Variants in RHNO1 observed in about 807,000 individuals in gnomAD.
The protein encoded by RHNO1 is RAD9, HUS1, RAD1-interacting nuclear orphan protein 1.
RHNO1 carries 9 observed loss-of-function variants against 7.2 expected under a neutral mutation model. That is an observed-to-expected ratio of 1.25 (90% confidence interval 0.75 to 2.18). The LOEUF (loss-of-function observed/expected upper bound fraction) is 2.18. RHNO1 is among the 30% of genes most tolerant of loss of function. RHNO1 has a pLI of 0.00. For synonymous variants in RHNO1, 95 were observed against 107.5 expected, an observed-to-expected ratio of 0.88 and a Z score of 0.72; for missense variants, 292 against 284.5, an observed-to-expected ratio of 1.03 and a Z score of -0.19.
At chr12:2,883,075 A>AAAAAAAAACAGC (rs112989975) in intron 1 of RHNO1, among the ~76,000 whole-genome samples, 1 of 134,486 alleles carries the variant, frequency 7.4e-6, no homozygotes, top group Admixed American at 7.9e-5. Context: ...TCAAAAAAAA[A>AAAAAAAAACAGC]AAAAAAAAAA....
chr12:2,885,561 A>ATTTTTTT lies in RHNO1; in HGVS notation c.168+52_168+58dup, dbSNP rs10558952. 15 of 399,322 alleles carry ATTTTTTT rather than the reference A, an allele frequency of 3.8e-5. No individual in the cohort carries two copies. The African/African-American group carries it at 4.5e-4, about 12-fold the overall frequency. The allele number at this position is 399,322 out of a possible 1,614,324, so 24.7% of individuals were successfully genotyped here. A position where few individuals can be genotyped will look rare whatever the true frequency, so the allele number is the denominator to read the frequency against. On this transcript the variant is annotated intron_variant, in intron 2 of 2. Coordinates refer to ENST00000489288, the MANE Select transcript of RHNO1 (RefSeq NM_001252499.3). ...TAGGCCCATGGGATTACTATTTGAC[A>ATTTTTTT]TTTTTTTTTTTTTTTTTTTTTTTTT... is the stretch of plus-strand genomic sequence containing the variant.
intron 2 of RHNO1, chr12:2,885,926 G>A (rs1005753202): frequency 1.8e-5 from 1 of 56,238 alleles, no homozygotes; most frequent in African/African-American, 1.1e-4. Flanking sequence ...TCTTCTGCCC[G>A]GCCTACTTTG....
At chr12:2,883,069 A>AAAAAAAAAACAAAAC (rs1341079525) in intron 1 of RHNO1, among the ~76,000 whole-genome samples, 2 of 140,396 alleles carry the variant, frequency 1.4e-5, no homozygotes, top group African/African-American at 5.4e-5. Context: ...CCTGTCTCAA[A>AAAAAAAAAACAAAAC]AAAAAAAAAA....
intron 1 of RHNO1, among the ~76,000 whole-genome samples, chr12:2,880,734 A>G (rs1160424413): frequency 6.6e-6 from 1 of 152,028 alleles, no homozygotes; most frequent in Non-Finnish European, 1.5e-5. Flanking sequence ...CCCAGGCTCA[A>G]GTGATCCTCC....
chr12:2,886,616 A>C (rs1167072502), intron 2 of RHNO1, among the ~76,000 whole-genome samples: 1 of 148,010 alleles, frequency 6.8e-6, no homozygotes, highest in Admixed American at 6.9e-5. Flanking sequence ...AGATTGTGCT[A>C]CTGCACTCCA....
In RHNO1 at chr12:2,888,214, C is replaced by T; in HGVS notation, c.472C>T (p.Gln158Ter). The T allele has an allele frequency of 6.2e-7, 1 of 1,614,052 alleles. No homozygotes were observed. Among genetic ancestry groups the T allele is most frequent in the Non-Finnish European group, 8.5e-7 (1 of 1,180,002 alleles). Residue 158 changes from glutamine (Q) to a stop codon, truncating the protein, a stop_gained, in exon 3 of 3, where the codon CAG becomes TAG. Coordinates refer to ENST00000489288, the MANE Select transcript of RHNO1 (RefSeq NM_001252499.3). LOFTEE classifies it low-confidence loss of function (END_TRUNC). ...TTATGTGTTCATTCCACCTGATATC[C>T]AGACCCCAGAGTCATCGTCTGTGAA... ...LPYVFIPPDIQTPESSSVKEE... is the reference protein window; with the variant it reads ...LPYVFIPPDI
intron 1 of RHNO1, among the ~76,000 whole-genome samples, chr12:2,883,498 T>A (rs1265019681): frequency 0.022 from 528 of 23,552 alleles, 14 homozygotes; most frequent in Non-Finnish European, 0.03. Flanking sequence ...TATATATATA[T>A]ATATATATAT....
intron 1 of RHNO1, among the ~76,000 whole-genome samples, chr12:2,883,075 A>AAAAAAAAAAAC (rs1555108309): frequency 4.5e-5 from 6 of 134,504 alleles, no homozygotes; most frequent in South Asian, 2.3e-4. Flanking sequence ...TCAAAAAAAA[A>AAAAAAAAAAAC]AAAAAAAAAA....
chr12:2,885,284 C>T lies in RHNO1; in HGVS notation c.-83C>T. 1 of 1,198,372 alleles carries T rather than the reference C, an allele frequency of 8.3e-7. No individual in the cohort carries two copies. The highest frequency in any genetic ancestry group is 1.2e-6 in the Non-Finnish European group (1 of 843,042). The allele number at this position is 1,198,372 out of a possible 1,614,324, so 74.2% of individuals were successfully genotyped here. A position where few individuals can be genotyped will look rare whatever the true frequency, so the allele number is the denominator to read the frequency against. On this transcript the variant is annotated splice_region_variant and 5_prime_UTR_variant, in exon 2 of 3. Coordinates refer to ENST00000489288, the MANE Select transcript of RHNO1 (RefSeq NM_001252499.3). The stretch of plus-strand genomic sequence containing the variant: ...CCAGCTTTTGTTTCTTCTCTACAGG[C>T]ATGGGTTGGAATTGGAGCCTATCCC...
At position 2,888,689 on chromosome 12, in the gene RHNO1, G is replaced by A. The variant is rs1177568297; in HGVS notation, c.*230G>A. ...ATTACAGGCACCAGCCACCATGCCT[G>A]GCTAATTTTTTTGTATTTTTAGTAG... On this transcript the variant is annotated 3_prime_UTR_variant, in exon 3 of 3. Coordinates refer to ENST00000489288, the MANE Select transcript of RHNO1 (RefSeq NM_001252499.3). 5.5e-6 allele frequency: 2 copies of A among 365,526 alleles called. No homozygotes were observed. The highest frequency in any genetic ancestry group is 9.7e-6 in the Non-Finnish European group (2 of 205,136). The allele number at this position is 365,526 out of a possible 1,614,324, so 22.6% of individuals were successfully genotyped here. A position where few individuals can be genotyped will look rare whatever the true frequency, so the allele number is the denominator to read the frequency against.
intron 1 of RHNO1, among the ~76,000 whole-genome samples, chr12:2,883,247 C>T (rs369868508): frequency 2.0e-5 from 3 of 149,900 alleles, no homozygotes; most frequent in African/African-American, 4.9e-5. Flanking sequence ...CGCTGTGGCA[C>T]GAGCTGTAGT....
upstream of RHNO1, chr12:2,876,567 G>A (rs920905685): frequency 6.6e-6 from 1 of 152,486 alleles, no homozygotes; most frequent in South Asian, 2.1e-4. Flanking sequence ...CTGGGAGCAG[G>A]GGAGTGTGTA....
At chr12:2,876,426 C>A (rs2098143681), upstream of RHNO1, 1 of 152,336 alleles carries the variant, frequency 6.6e-6, no homozygotes, top group East Asian at 1.9e-4. Context: ...GCCCGGGAAA[C>A]TTCCAGAGTG....
chr12:2,879,275 A>G (rs1015694243), intron 1 of RHNO1, among the ~76,000 whole-genome samples: 3 of 152,034 alleles, frequency 2.0e-5, no homozygotes, highest in African/African-American at 7.3e-5. Flanking sequence ...CAGTGTTGGC[A>G]TTACAGGCAT....
In RHNO1 at chr12:2,884,702, T is replaced by C. The variant is rs557223329; in HGVS notation, c.-84-581T>C. On this transcript the variant is annotated intron_variant, in intron 1 of 2. Transcript: ENST00000489288. ...TTTTTTTAACCTCAGCCTGACACCA[T>C]GTTTATCCTGAGTTCTTGCCATTTA... Among the ~76,000 whole-genome samples the C allele has an allele frequency of 2.0e-5, 3 of 151,932 alleles. No individual in the cohort carries two copies. In the South Asian group the frequency reaches 6.2e-4, roughly 31 times the overall value.
At chr12:2,877,217 C>T (rs982587361), upstream of RHNO1, 3 of 152,284 alleles carry the variant, frequency 2.0e-5, no homozygotes, top group Admixed American at 2.0e-4. Flanking sequence ...CCGGCCTTGT[C>T]TCGGCATTCC....
chr12:2,882,523 T>G (rs1479103062), intron 1 of RHNO1, among the ~76,000 whole-genome samples: 1 of 151,720 alleles, frequency 6.6e-6, no homozygotes, highest in Non-Finnish European at 1.5e-5. Flanking sequence ...GCCAAAATGG[T>G]GAAACCTCAT....
chr12:2,887,378 T>A (rs1287724007), intron 2 of RHNO1, among the ~76,000 whole-genome samples: 2 of 151,590 alleles, frequency 1.3e-5, no homozygotes, highest in African/African-American at 4.9e-5. Context: ...CACGGGAAGC[T>A]TAGGCAGCAG....
chr12:2,880,132 A>G (rs972665173), intron 1 of RHNO1, among the ~76,000 whole-genome samples: 2 of 151,904 alleles, frequency 1.3e-5, no homozygotes, highest in African/African-American at 4.8e-5. Context: ...TCATCTCTAC[A>G]AAAAATAAAA....
Sources: allele counts gnomAD v4.1 joint callset (sites outside exome capture counted in the v4.1 genomes callset), GRCh38; gene constraint gnomAD v4.1.1; transcripts MANE v1.5; gene names NCBI Gene and HGNC (gene_info 2026-07-23, HGNC 2026-07-21).